KCNH5: variants seen among roughly 807,000 people sequenced by gnomAD.
KCNH5 encodes the protein potassium voltage-gated channel subfamily H member 5, also known as voltage-gated delayed rectifier potassium channel KCNH5.
KCNH5 carries 46 observed loss-of-function variants against 96.1 expected under a neutral mutation model. The ratio of observed to expected loss-of-function variants is 0.48; its 90% CI spans 0.38 to 0.61. The LOEUF (loss-of-function observed/expected upper bound fraction) is 0.61. KCNH5 is among the 20% of genes least tolerant of loss of function. The pLI is 0.00. For synonymous variants in KCNH5, 439 were observed against 449.8 expected (o/e 0.98, Z 0.30); for missense variants, 907 against 1,225.8 (o/e 0.74, Z 3.88).
chr14:62,822,831 C>T (rs966735983), intron 8 of KCNH5, among the ~76,000 whole-genome samples: 1 of 151,898 alleles, frequency 6.6e-6, no homozygotes, highest in African/African-American at 2.4e-5. Flanking sequence ...AAAAAGAACA[C>T]CAAAAATTTA....
intron 7 of KCNH5, among the ~76,000 whole-genome samples, chr14:62,883,493 C>A (rs781313737): frequency 2.6e-5 from 4 of 152,044 alleles, no homozygotes; most frequent in Non-Finnish European, 5.9e-5. Context: ...TTCCAGGACA[C>A]TTTAAAATCA....
At chr14:63,009,972 C>A (rs1244266105) in intron 2 of KCNH5, among the ~76,000 whole-genome samples, 1 of 152,158 alleles carries the variant, frequency 6.6e-6, no homozygotes, top group East Asian at 1.9e-4. Context: ...CAAATATCCT[C>A]AAGGAATATG....
chr14:62,896,149 C>T (rs1432925767), intron 7 of KCNH5, among the ~76,000 whole-genome samples: 1 of 152,152 alleles, frequency 6.6e-6, no homozygotes, highest in Non-Finnish European at 1.5e-5. Context: ...GTAACATTCA[C>T]AGTCTAAAAG....
intron 10 of KCNH5, among the ~76,000 whole-genome samples, chr14:62,756,439 GA>G (rs1384067596): frequency 6.0e-5 from 9 of 150,936 alleles, no homozygotes; most frequent in South Asian, 2.1e-4. Flanking sequence ...CAAAGAAATA[GA>G]AAAAAAAATC....
At chr14:62,833,989 GCCTGTATCAAATCCA>G (rs1264406427) in intron 8 of KCNH5, among the ~76,000 whole-genome samples, 1 of 151,966 alleles carries the variant, frequency 6.6e-6, no homozygotes, top group African/African-American at 2.4e-5. Context: ...TAACAAATCT[GCCTGTATCAAATCCA>G]CCAGTAATCT....
chr14:62,981,680 G>A (rs945840406), intron 5 of KCNH5, among the ~76,000 whole-genome samples: 15 of 152,144 alleles, frequency 9.9e-5, no homozygotes, highest in Admixed American at 9.2e-4. Context: ...TGATGGCCTC[G>A]CTGGACCCCG....
At chr14:62,900,492 T>A (rs901967669) in intron 7 of KCNH5, among the ~76,000 whole-genome samples, 4 of 152,164 alleles carry the variant, frequency 2.6e-5, no homozygotes, top group Non-Finnish European at 4.4e-5. Flanking sequence ...TTATGGGAAG[T>A]GATTATAATA....
chr14:62,987,165 C>T lies in KCNH5; in HGVS notation c.456G>A (p.Leu152=). The change falls in exon 5 of 11, where the codon TTG becomes TTA. Residue 152 remains leucine (L), a synonymous_variant. Coordinates refer to ENST00000322893, the MANE Select transcript of KCNH5 (RefSeq NM_139318.5). The part of the protein sequence containing the change: ...STKGWTKFAR[L]TRALTNSRSV... ...TTCGGCTATTTGTCAAAGCCCGTGT[C>T]AATCGGGCAAATTTCGTCCAACCTT... 1.2e-6 allele frequency: 2 copies of T among 1,613,398 alleles called. No individual in the cohort carries two copies. Among genetic ancestry groups the T allele is most frequent in the Non-Finnish European group, 1.7e-6 (2 of 1,179,536 alleles).
At chr14:62,715,329 G>T (rs1884661173) in intron 10 of KCNH5, among the ~76,000 whole-genome samples, 1 of 152,136 alleles carries the variant, frequency 6.6e-6, no homozygotes, top group Admixed American at 6.6e-5. Context: ...GAATCGACTA[G>T]GAATTTATAG....
chr14:62,822,745 C>T (rs1887140419), intron 8 of KCNH5, among the ~76,000 whole-genome samples: 2 of 150,806 alleles, frequency 1.3e-5, no homozygotes, highest in Non-Finnish European at 3.0e-5. Flanking sequence ...AACCTTGACA[C>T]CAAATGTACA....
At chr14:62,846,896 G>A (rs1235742369) in intron 8 of KCNH5, among the ~76,000 whole-genome samples, 2 of 143,468 alleles carry the variant, frequency 1.4e-5, no homozygotes, top group Non-Finnish European at 3.0e-5. Flanking sequence ...CGCCTCCCGG[G>A]TTCACACCAT....
At chr14:62,960,955 G>C (rs528466845) in intron 6 of KCNH5, among the ~76,000 whole-genome samples, 43 of 152,256 alleles carry the variant, frequency 2.8e-4, no homozygotes, top group African/African-American at 9.1e-4. Context: ...CTTATTTTCA[G>C]CAATATCCAT....
At chr14:62,985,314 G>A (rs1214327877) in intron 5 of KCNH5, among the ~76,000 whole-genome samples, 3 of 152,038 alleles carry the variant, frequency 2.0e-5, no homozygotes, top group Non-Finnish European at 4.4e-5. Flanking sequence ...AAAACCAAAA[G>A]TCTTTTTGTT....
intron 7 of KCNH5, among the ~76,000 whole-genome samples, chr14:62,881,733 T>A (rs956111674): frequency 6.7e-6 from 1 of 148,462 alleles, no homozygotes; most frequent in East Asian, 2.1e-4. Flanking sequence ...ATGGTTGATA[T>A]AAGTATCCAT....
intron 7 of KCNH5, among the ~76,000 whole-genome samples, chr14:62,904,766 T>G (rs1888993954): frequency 6.6e-6 from 1 of 152,226 alleles, no homozygotes. Flanking sequence ...AATTGTGACT[T>G]GGGGTGTACT....
intron 1 of KCNH5, among the ~76,000 whole-genome samples, chr14:63,025,203 C>T (rs1198116501): frequency 1.8e-4 from 27 of 152,036 alleles, no homozygotes. Flanking sequence ...ATTAAAAACT[C>T]TCAACATATT....
intron 1 of KCNH5, among the ~76,000 whole-genome samples, chr14:63,042,861 C>T (rs1251171927): frequency 1.3e-5 from 2 of 152,122 alleles, no homozygotes; most frequent in Admixed American, 1.3e-4. Flanking sequence ...TCACACACAC[C>T]TGCATATATA....
chr14:62,950,624 A>C, intron 6 of KCNH5, 65 bp from the exon 7 acceptor site: 4 of 1,293,874 alleles, frequency 3.1e-6, no homozygotes, highest in Non-Finnish European at 4.2e-6. Context: ...TGGGGAAACA[A>C]TACAATGGCT....
At chr14:62,979,231 CT>C (rs1890560236) in intron 6 of KCNH5, among the ~76,000 whole-genome samples, 3 of 151,930 alleles carry the variant, frequency 2.0e-5, no homozygotes. Flanking sequence ...TTATTGTCCC[CT>C]ATCATGTGAT....
Sources: gnomAD v4.1 joint callset for allele counts (sites outside exome capture counted in the v4.1 genomes callset) on GRCh38, gnomAD v4.1.1 for gene constraint, MANE v1.5 for transcripts, NCBI Gene and HGNC (gene_info 2026-07-23, HGNC 2026-07-21) for gene names.